The following SPATA13 variants were observed in gnomAD, a reference collection of about 807,000 sequenced individuals.
The protein encoded by SPATA13 is spermatogenesis-associated protein 13.
A neutral mutation model predicts 104.0 loss-of-function variants in SPATA13; 50 were observed. The ratio of observed to expected loss-of-function variants is 0.48; its 90% CI spans 0.38 to 0.61. The LOEUF is 0.61. Ranked by LOEUF, SPATA13 falls within the 20% of genes least tolerant of loss-of-function variation. The probability of loss-of-function intolerance (pLI) is 0.00; values close to 1 mark genes in which losing one functional copy is unlikely to be tolerated. For missense variants in SPATA13, 1,524 were observed against 1,690.6 expected (o/e 0.90, Z 1.73); for synonymous variants, 606 against 667.5 (o/e 0.91, Z 1.42).
chr13:24,237,042 C>A (rs182573781), intron 2 of SPATA13, among the ~76,000 whole-genome samples: 1 of 152,064 alleles, frequency 6.6e-6, no homozygotes, highest in Non-Finnish European at 1.5e-5. Flanking sequence ...ACATATACTG[C>A]GGAATATTAT....
Position 24,083,517 on chromosome 13 carries a change from C to T in SPATA13, c.-112+65816C>T, listed in dbSNP as rs1879614760. On this transcript the variant is annotated intron_variant, in intron 3 of 14. Transcript: ENST00000424834. ...CGGAGCTTGCGGGGAGAATGGCTAG[C>T]TCTCTGTGGAGTTGAAGGTGGTTGG... is the stretch of plus-strand genomic sequence containing the variant. 2.0e-5 allele frequency among the ~76,000 whole-genome samples: 3 copies of T among 152,218 alleles called. No individual in the cohort carries two copies. In the South Asian group the frequency reaches 6.2e-4, roughly 32 times the overall value.
chr13:24,060,681 G>A (rs1170317599), intron 3 of SPATA13, among the ~76,000 whole-genome samples: 2 of 140,386 alleles, frequency 1.4e-5, no homozygotes, highest in African/African-American at 5.0e-5. Flanking sequence ...TGCAAACTAT[G>A]CCTCTGACAA....
At chr13:24,070,477 G>T (rs752511174) in intron 3 of SPATA13, among the ~76,000 whole-genome samples, 3 of 152,146 alleles carry the variant, frequency 2.0e-5, no homozygotes, top group Non-Finnish European at 4.4e-5. Context: ...TCGTGGTTTG[G>T]GTTGTGTCTA....
intron 2 of SPATA13, among the ~76,000 whole-genome samples, chr13:23,985,855 G>A (rs1875126122): frequency 6.6e-6 from 1 of 152,204 alleles, no homozygotes; most frequent in African/African-American, 2.4e-5. Flanking sequence ...TGACTGAAGA[G>A]AGGACAACAG....
At chr13:24,135,154 A>G (rs1310539659) in intron 3 of SPATA13, among the ~76,000 whole-genome samples, 1 of 152,188 alleles carries the variant, frequency 6.6e-6, no homozygotes, top group Non-Finnish European at 1.5e-5. Context: ...TTTCTATTGT[A>G]TAAGCCACCT....
chr13:24,218,572 G>A (rs1871385901), intron 1 of SPATA13, among the ~76,000 whole-genome samples: 1 of 152,128 alleles, frequency 6.6e-6, no homozygotes, highest in Non-Finnish European at 1.5e-5. Context: ...ATTTCAATAT[G>A]TTTTCTTTCA....
intron 2 of SPATA13, among the ~76,000 whole-genome samples, chr13:24,001,215 A>G (rs1166224437): frequency 6.6e-6 from 1 of 152,200 alleles, no homozygotes; most frequent in African/African-American, 2.4e-5. Flanking sequence ...GTAGTCACAT[A>G]TACAAGAACA....
intron 3 of SPATA13, among the ~76,000 whole-genome samples, chr13:24,098,657 G>A (rs1880158977): frequency 6.6e-6 from 1 of 151,540 alleles, no homozygotes; most frequent in Admixed American, 6.6e-5. Flanking sequence ...GGCCGGATGT[G>A]GTGGTTTATG....
intron 3 of SPATA13, among the ~76,000 whole-genome samples, chr13:24,115,597 T>C (rs576124482): frequency 6.6e-6 from 1 of 152,332 alleles, no homozygotes; most frequent in African/African-American, 2.4e-5. Context: ...ATGGAAAAAT[T>C]GTCTTCTACA....
rs1267874540 is a variant in SPATA13 at position 23,992,938 on chromosome 13, A to G, written c.-147+9005A>G. Among the ~76,000 whole-genome samples, 5 of 152,352 alleles carry G rather than the reference A, an allele frequency of 3.3e-5. No homozygotes were observed. The East Asian group carries it at 7.7e-4, about 23-fold the overall frequency. ...AGTGTCAGCTACTATTCTTCTGTTT[A>G]CAATGCAGCATGGGAATTTCCATCA... On this transcript the variant is annotated intron_variant, in intron 2 of 14. Transcript: ENST00000424834.
chr13:24,155,765 C>T (rs944082575), upstream of SPATA13, among the ~76,000 whole-genome samples: 4 of 152,156 alleles, frequency 2.6e-5, no homozygotes, highest in South Asian at 2.1e-4. Flanking sequence ...GTTATGCAAC[C>T]GTCACCATCA....
intron 3 of SPATA13, chr13:24,122,079 G>A: frequency 1.3e-6 from 2 of 1,597,806 alleles, no homozygotes; most frequent in Non-Finnish European, 8.6e-7. Flanking sequence ...TTCATCCCTG[G>A]TGCTGGGCCT....
At chr13:23,995,786 A>G (rs1875658911) in intron 2 of SPATA13, among the ~76,000 whole-genome samples, 1 of 152,092 alleles carries the variant, frequency 6.6e-6, no homozygotes, top group African/African-American at 2.4e-5. Flanking sequence ...CGTGTAGAGA[A>G]TGGTGAGAAG....
At chr13:24,258,159 C>T (rs555554849) in intron 4 of SPATA13, among the ~76,000 whole-genome samples, 98 of 151,624 alleles carry the variant, frequency 6.5e-4, no homozygotes, top group African/African-American at 2.3e-3. Flanking sequence ...TGCTTGAACA[C>T]GGAAGATAGA....
At chr13:24,190,926 G>T (rs1404982163) in intron 1 of SPATA13, among the ~76,000 whole-genome samples, 1 of 151,966 alleles carries the variant, frequency 6.6e-6, no homozygotes, top group Non-Finnish European at 1.5e-5. Flanking sequence ...CTATATGAAG[G>T]AAGAGTCAAC....
intron 1 of SPATA13, among the ~76,000 whole-genome samples, chr13:24,191,827 C>G (rs1869779158): frequency 6.6e-6 from 1 of 151,826 alleles, no homozygotes; most frequent in African/African-American, 2.4e-5. Context: ...TTTCTAAAGC[C>G]CTTGCATCTC....
chr13:24,089,667 G>A (rs1465474667), intron 3 of SPATA13, among the ~76,000 whole-genome samples: 1 of 152,196 alleles, frequency 6.6e-6, no homozygotes, highest in African/African-American at 2.4e-5. Flanking sequence ...TGCGATATTT[G>A]AATATAGTTG....
At chr13:24,259,208 G>T (rs1385903735) in intron 4 of SPATA13, among the ~76,000 whole-genome samples, 1 of 152,204 alleles carries the variant, frequency 6.6e-6, no homozygotes, top group East Asian at 1.9e-4. Flanking sequence ...GCTCCCAAAG[G>T]TCTTAGGGAG....
intron 2 of SPATA13, among the ~76,000 whole-genome samples, chr13:23,995,034 G>A (rs900911271): frequency 7.2e-5 from 11 of 152,094 alleles, no homozygotes; most frequent in Admixed American, 4.6e-4. Flanking sequence ...TGTTCCTGAC[G>A]TCTAGTGGGT....
Sources: allele counts gnomAD v4.1 joint callset (sites outside exome capture counted in the v4.1 genomes callset), GRCh38; gene constraint gnomAD v4.1.1; transcripts MANE v1.5; gene names NCBI Gene and HGNC (gene_info 2026-07-23, HGNC 2026-07-21).